CNTNAP5: variants seen among roughly 807,000 people sequenced by gnomAD.
CNTNAP5 encodes the protein contactin-associated protein-like 5.
In CNTNAP5, 72 loss-of-function variants were observed where a neutral mutation model predicts 150.2. That is an observed-to-expected ratio of 0.48 (90% CI 0.40 to 0.58). The LOEUF is 0.58. Among genes scored for constraint, CNTNAP5 ranks in the 20% least tolerant of loss-of-function variants. CNTNAP5 has a pLI of 0.00. For synonymous variants in CNTNAP5, 672 were observed against 619.8 expected, an observed-to-expected ratio of 1.08 and a Z score of -1.25; for missense variants, 1,636 against 1,626.2, an observed-to-expected ratio of 1.01 and a Z score of -0.10.
intron 17 of CNTNAP5, among the ~76,000 whole-genome samples, chr2:124,774,807 T>A (rs986777708): frequency 5.3e-5 from 8 of 152,184 alleles, no homozygotes; most frequent in African/African-American, 1.7e-4. Flanking sequence ...TCATGCAAAA[T>A]TTATGTAGCT....
intron 12 of CNTNAP5, among the ~76,000 whole-genome samples, chr2:124,631,846 A>G (rs1374348027): frequency 6.6e-6 from 1 of 152,236 alleles, no homozygotes; most frequent in Non-Finnish European, 1.5e-5. Context: ...AATATCCAGA[A>G]TCTACAAGGA....
chr2:124,143,829 T>G, intron 1 of CNTNAP5, among the ~76,000 whole-genome samples: 1 of 82,772 alleles, frequency 1.2e-5, no homozygotes, highest in Non-Finnish European at 2.3e-5. Flanking sequence ...GGGTATTCAA[T>G]TAGGAAAAGA....
intron 18 of CNTNAP5, among the ~76,000 whole-genome samples, chr2:124,797,343 T>C (rs978214845): frequency 5.3e-5 from 8 of 152,204 alleles, no homozygotes; most frequent in Admixed American, 4.6e-4. Context: ...ATGAATTTTA[T>C]CAGTTTTTAG....
chr2:124,636,558 G>A (rs954160828), intron 12 of CNTNAP5, among the ~76,000 whole-genome samples: 1 of 151,932 alleles, frequency 6.6e-6, no homozygotes, highest in South Asian at 2.1e-4. Context: ...TAATGTAAAT[G>A]GTTAAATTTA....
chr2:124,819,320 T>C (rs1304917854), intron 19 of CNTNAP5, among the ~76,000 whole-genome samples: 2 of 152,114 alleles, frequency 1.3e-5, no homozygotes, highest in Non-Finnish European at 2.9e-5. Flanking sequence ...AAGTCTGGTT[T>C]AGCTTTTACA....
At chr2:124,083,623 G>C (rs1361664922) in intron 1 of CNTNAP5, among the ~76,000 whole-genome samples, 2 of 151,920 alleles carry the variant, frequency 1.3e-5, no homozygotes, top group East Asian at 1.9e-4. Flanking sequence ...CCATATTTTT[G>C]TGGGTTTATT....
At chr2:124,025,938 C>T (rs1045875317) in intron 1 of CNTNAP5, among the ~76,000 whole-genome samples, 1 of 152,194 alleles carries the variant, frequency 6.6e-6, no homozygotes, top group Non-Finnish European at 1.5e-5. Context: ...TTCCTCCCTT[C>T]TTCCGTTATC....
chr2:124,638,499 T>C (rs1366993515), intron 12 of CNTNAP5, among the ~76,000 whole-genome samples: 1 of 152,216 alleles, frequency 6.6e-6, no homozygotes, highest in Non-Finnish European at 1.5e-5. Context: ...ATCAATTTAA[T>C]GTACAGCTAG....
In CNTNAP5 at chr2:124,918,184, CT is replaced by C. The variant is rs2104775596; in HGVS notation, c.*3897del. Among the ~76,000 whole-genome samples, 1 of 152,078 alleles carries C rather than the reference CT, an allele frequency of 6.6e-6. No individual in the cohort carries two copies. The highest frequency in any genetic ancestry group is 2.1e-4 in the South Asian group (1 of 4,816). On this transcript the variant is annotated 3_prime_UTR_variant, in exon 24 of 24. Coordinates refer to ENST00000682447, the MANE Select transcript of CNTNAP5 (RefSeq NM_001367498.1). Reference sequence around the variant, plus strand: ...GACCTAAGAGTGTCCACTTTGGCCCCTCTCCTTCCCTTTTCTCAGTTCTTCC... The same window carrying C: ...GACCTAAGAGTGTCCACTTTGGCCCCCTCCTTCCCTTTTCTCAGTTCTTCC...
chr2:124,031,202 T>A (rs976825263), intron 1 of CNTNAP5, among the ~76,000 whole-genome samples: 1 of 152,040 alleles, frequency 6.6e-6, no homozygotes, highest in African/African-American at 2.4e-5. Context: ...TGTCCCTATA[T>A]ATTACATTTC....
At chr2:124,490,417 G>GGAAAGAAA (rs779447558) in intron 7 of CNTNAP5, among the ~76,000 whole-genome samples, 1 of 147,100 alleles carries the variant, frequency 6.8e-6, no homozygotes. Flanking sequence ...AAGGAAGGAA[G>GGAAAGAAA]GAAAGAAAGA....
chr2:124,290,813 A>G (rs868736418), intron 3 of CNTNAP5, among the ~76,000 whole-genome samples: 1 of 152,134 alleles, frequency 6.6e-6, no homozygotes, highest in Non-Finnish European at 1.5e-5. Flanking sequence ...TTCTGATTTC[A>G]ACTCTTACTC....
chr2:124,394,504 C>T (rs1691198026), intron 3 of CNTNAP5, among the ~76,000 whole-genome samples: 1 of 151,978 alleles, frequency 6.6e-6, no homozygotes, highest in Non-Finnish European at 1.5e-5. Context: ...GCACTACAAA[C>T]AATTTCTGAC....
intron 17 of CNTNAP5, among the ~76,000 whole-genome samples, chr2:124,785,611 T>C (rs2104625759): frequency 6.6e-6 from 1 of 152,134 alleles, no homozygotes; most frequent in East Asian, 1.9e-4. Context: ...AGATAGGCCA[T>C]GTGGCATGAG....
chr2:124,353,286 C>CAAAAAAAAAAAAAAAAAAA (rs565907115), intron 3 of CNTNAP5, among the ~76,000 whole-genome samples: 14 of 88,278 alleles, frequency 1.6e-4, no homozygotes, highest in Middle Eastern at 6.3e-3. Flanking sequence ...AAAAACAGAC[C>CAAAAAAAAAAAAAAAAAAA]AAAAAAAAAA....
At chr2:124,800,239 A>AT (rs761403137) in intron 19 of CNTNAP5, among the ~76,000 whole-genome samples, 20 of 152,102 alleles carry the variant, frequency 1.3e-4, no homozygotes, top group Non-Finnish European at 2.6e-4. Flanking sequence ...CCAATGCGAG[A>AT]TTTTTTCCAA....
intron 16 of CNTNAP5, among the ~76,000 whole-genome samples, chr2:124,770,407 C>T (rs1681164749): frequency 6.6e-6 from 1 of 152,124 alleles, no homozygotes. Flanking sequence ...AGCGAAACAG[C>T]AAGCCCTCCC....
Position 124,279,920 on chromosome 2 carries a change from A to T in CNTNAP5, c.381+37527A>T, listed in dbSNP as rs541512239. Among the ~76,000 whole-genome samples the T allele has an allele frequency of 2.0e-3, 298 of 152,210 alleles. 2 individuals are homozygous for T. Among genetic ancestry groups the T allele is most frequent in the African/African-American group, 6.6e-3 (275 of 41,536 alleles). On this transcript the variant is annotated intron_variant, in intron 3 of 23. Coordinates refer to ENST00000682447, the MANE Select transcript of CNTNAP5 (RefSeq NM_001367498.1). ...TATACCTTTGTCACCTAAAAAAAATAAAAAATGTACATTTAACCTCTGTTC... is the reference window on the plus strand; with the variant it reads ...TATACCTTTGTCACCTAAAAAAAATTAAAAATGTACATTTAACCTCTGTTC...
rs571049662 is a variant in CNTNAP5 at position 124,515,562 on chromosome 2, C to A, written c.1328-8741C>A. ...TCAATCATTCATCACGTTTTATATG[C>A]CCTGCACTGTGCTAGCTGGCTGTGA... On this transcript the variant is annotated intron_variant, in intron 8 of 23. Transcript: ENST00000682447. Among the ~76,000 whole-genome samples the A allele has an allele frequency of 5.9e-5, 9 of 152,028 alleles. No homozygotes were observed. The East Asian group carries it at 1.5e-3, about 26-fold the overall frequency.
Sources: gnomAD v4.1 joint callset for allele counts (sites outside exome capture counted in the v4.1 genomes callset) on GRCh38, gnomAD v4.1.1 for gene constraint, MANE v1.5 for transcripts, NCBI Gene and HGNC (gene_info 2026-07-23, HGNC 2026-07-21) for gene names.